Variants in OPCML observed in about 807,000 individuals in gnomAD.
OPCML encodes the protein opioid-binding protein/cell adhesion molecule.
Under a neutral mutation model 37.8 loss-of-function variants are expected in OPCML, and 13 were observed. The ratio of observed to expected loss-of-function variants is 0.34; its 90% CI spans 0.22 to 0.55. The LOEUF is 0.55. Among genes scored for constraint, OPCML ranks in the 20% least tolerant of loss-of-function variants. The pLI is 0.91. For missense variants in OPCML, 341 were observed against 435.6 expected, an observed-to-expected ratio of 0.78 and a Z score of 1.93; for synonymous variants, 176 against 168.8, an observed-to-expected ratio of 1.04 and a Z score of -0.33.
At chr11:133,424,448 T>G (rs1945958973) in intron 1 of OPCML, among the ~76,000 whole-genome samples, 2 of 152,230 alleles carry the variant, frequency 1.3e-5, no homozygotes, top group Admixed American at 6.5e-5. Flanking sequence ...TGCAATATTT[T>G]CATTCAGGCA....
At chr11:133,106,484 C>T (rs372135869) in intron 1 of OPCML, among the ~76,000 whole-genome samples, 50 of 152,320 alleles carry the variant, frequency 3.3e-4, no homozygotes, top group South Asian at 2.1e-3. Context: ...TTATGCACAT[C>T]GCATCCTTGT....
chr11:133,225,919 C>G (rs1199483663), intron 1 of OPCML, among the ~76,000 whole-genome samples: 2 of 152,246 alleles, frequency 1.3e-5, no homozygotes, highest in Non-Finnish European at 2.9e-5. Flanking sequence ...ATTCTTCAAA[C>G]AGCTTCCCAT....
chr11:132,590,243 A>G (rs2096482176), intron 3 of OPCML, among the ~76,000 whole-genome samples: 1 of 152,186 alleles, frequency 6.6e-6, no homozygotes, highest in South Asian at 2.1e-4. Flanking sequence ...TTTAAAATTT[A>G]TTTTATATCT....
intron 1 of OPCML, among the ~76,000 whole-genome samples, chr11:133,202,673 C>G (rs1339453112): frequency 6.6e-6 from 1 of 152,224 alleles, no homozygotes; most frequent in Non-Finnish European, 1.5e-5. Context: ...TAGCAACCCA[C>G]TCAGTTACCC....
chr11:133,193,397 C>T (rs1020598955), intron 1 of OPCML, among the ~76,000 whole-genome samples: 4 of 152,152 alleles, frequency 2.6e-5, no homozygotes, highest in African/African-American at 9.7e-5. Flanking sequence ...CAAGCCAAAG[C>T]TACTGAAATT....
intron 2 of OPCML, among the ~76,000 whole-genome samples, chr11:132,822,678 C>G (rs771379838): frequency 6.6e-6 from 1 of 152,184 alleles, no homozygotes; most frequent in Non-Finnish European, 1.5e-5. Flanking sequence ...AAGTCCCTCC[C>G]TTTCCTTAAC....
intron 1 of OPCML, among the ~76,000 whole-genome samples, chr11:133,052,164 C>T (rs191208859): frequency 3.7e-4 from 57 of 152,172 alleles, no homozygotes; most frequent in African/African-American, 1.3e-3. Flanking sequence ...AATTGAATAC[C>T]CTATTTCCAA....
chr11:132,441,101 G>A (rs1209959941), intron 4 of OPCML, among the ~76,000 whole-genome samples: 1 of 151,656 alleles, frequency 6.6e-6, no homozygotes, highest in Admixed American at 6.6e-5. Flanking sequence ...CAGAGGTGGG[G>A]TAAGCAAGAT....
intron 2 of OPCML, among the ~76,000 whole-genome samples, chr11:132,878,296 G>A (rs1454096551): frequency 2.6e-5 from 4 of 152,180 alleles, no homozygotes; most frequent in Non-Finnish European, 2.9e-5. Context: ...CTGGTTAAAC[G>A]TGTTCTGTGA....
At chr11:132,675,259 A>G (rs1942652649) in intron 2 of OPCML, among the ~76,000 whole-genome samples, 1 of 151,676 alleles carries the variant, frequency 6.6e-6, no homozygotes, top group South Asian at 2.1e-4. Context: ...GTGAATTTAA[A>G]TAAAAACAAA....
intron 1 of OPCML, among the ~76,000 whole-genome samples, chr11:132,945,576 A>G (rs778257559): frequency 6.6e-6 from 1 of 152,234 alleles, no homozygotes; most frequent in Non-Finnish European, 1.5e-5. Context: ...TAAACACTAT[A>G]TAATTAGGCT....
At chr11:132,547,116 A>T (rs1292082180) in intron 3 of OPCML, among the ~76,000 whole-genome samples, 1 of 152,234 alleles carries the variant, frequency 6.6e-6, no homozygotes, top group African/African-American at 2.4e-5. Flanking sequence ...CAAGATGACA[A>T]GGGCAAAAAC....
At chr11:133,502,673 ATCCTTTGATTTTCAG>A (rs1280257747) in intron 1 of OPCML, among the ~76,000 whole-genome samples, 3 of 152,228 alleles carry the variant, frequency 2.0e-5, no homozygotes, top group Non-Finnish European at 4.4e-5. Flanking sequence ...TTGTAGCCAG[ATCCTTTGATTTTCAG>A]TCCAAGTCCT....
chr11:132,518,814 C>T (rs562821660), intron 4 of OPCML, among the ~76,000 whole-genome samples: 2 of 152,280 alleles, frequency 1.3e-5, no homozygotes, highest in African/African-American at 2.4e-5. Flanking sequence ...CTATCTTACA[C>T]ATCATTGTTG....
At chr11:132,619,906 T>A (rs1213477977) in intron 3 of OPCML, among the ~76,000 whole-genome samples, 1 of 151,422 alleles carries the variant, frequency 6.6e-6, no homozygotes, top group Non-Finnish European at 1.5e-5. Context: ...CCCTAGTGAA[T>A]GAAACAGCAT....
chr11:132,450,459 G>C (rs1281627797), intron 4 of OPCML, among the ~76,000 whole-genome samples: 1 of 152,144 alleles, frequency 6.6e-6, no homozygotes, highest in Non-Finnish European at 1.5e-5. Context: ...TGCCTCGACG[G>C]TGGTGTCTGC....
intron 1 of OPCML, among the ~76,000 whole-genome samples, chr11:133,222,971 T>C (rs1216280287): frequency 6.6e-6 from 1 of 152,102 alleles, no homozygotes; most frequent in Non-Finnish European, 1.5e-5. Context: ...GACATTTAGA[T>C]TTCGCTTGCA....
intron 1 of OPCML, among the ~76,000 whole-genome samples, chr11:133,523,023 C>T (rs1030688931): frequency 6.6e-6 from 1 of 152,048 alleles, no homozygotes; most frequent in Non-Finnish European, 1.5e-5. Flanking sequence ...GCTACTATGG[C>T]GTCCAATTAG....
At chr11:133,373,448 T>TATATACACACAC (rs966091785) in intron 1 of OPCML, among the ~76,000 whole-genome samples, 8 of 132,164 alleles carry the variant, frequency 6.1e-5, no homozygotes, top group African/African-American at 2.2e-4. Flanking sequence ...TATATATATA[T>TATATACACACAC]ACACACACAC....
Sources: gnomAD v4.1 joint callset for allele counts (sites outside exome capture counted in the v4.1 genomes callset) on GRCh38, gnomAD v4.1.1 for gene constraint, MANE v1.5 for transcripts, NCBI Gene and HGNC (gene_info 2026-07-23, HGNC 2026-07-21) for gene names.